UBE3C: variants seen among roughly 807,000 people sequenced by gnomAD.
UBE3C encodes ubiquitin-protein ligase E3C.
UBE3C carries 42 observed loss-of-function variants against 129.4 expected under a neutral mutation model. The ratio of observed to expected loss-of-function variants is 0.32; its 90% CI spans 0.25 to 0.42. The LOEUF is 0.42. Among genes scored for constraint, UBE3C ranks in the 10% least tolerant of loss-of-function variants. UBE3C has a pLI of 1.00. For synonymous variants in UBE3C, 510 were observed against 492.4 expected (o/e 1.04, Z -0.47); for missense variants, 1,049 against 1,319.1 (o/e 0.80, Z 3.17).
chr7:157,140,682 C>T (rs1323518419), intron 1 of UBE3C, among the ~76,000 whole-genome samples: 1 of 152,128 alleles, frequency 6.6e-6, no homozygotes, highest in Non-Finnish European at 1.5e-5. Context: ...AGACTCCATG[C>T]CATTTACACA....
rs1238676973 is a variant in UBE3C at position 157,238,540 on chromosome 7, A to C, written c.2481+7213A>C. Among the ~76,000 whole-genome samples, 16 of 152,076 alleles carry C rather than the reference A, an allele frequency of 1.1e-4. 1 individual carries two copies. The highest frequency in any genetic ancestry group is 1.0e-3 in the Admixed American group (16 of 15,260). The stretch of plus-strand genomic sequence containing the variant: ...GAACCACCTGGGTTCTGTTATGAGA[A>C]CTAGAAGGATGGAGGTCATGCTGAC... On this transcript the variant is annotated intron_variant, in intron 18 of 22. Transcript: ENST00000348165.
intron 18 of UBE3C, among the ~76,000 whole-genome samples, chr7:157,242,515 T>TTG (rs376006095): frequency 0.022 from 1,922 of 87,012 alleles, 29 homozygotes; most frequent in Admixed American, 0.069. Flanking sequence ...GCCTGAGTTG[T>TTG]TTTTTTTTTT....
chr7:157,212,965 C>T (rs946290960), intron 13 of UBE3C, among the ~76,000 whole-genome samples: 1 of 151,996 alleles, frequency 6.6e-6, no homozygotes, highest in Non-Finnish European at 1.5e-5. Flanking sequence ...ACCATGTTAC[C>T]CAGGCTGGTC....
chr7:157,204,409 A>AG (rs941678500), intron 11 of UBE3C, among the ~76,000 whole-genome samples: 1 of 151,746 alleles, frequency 6.6e-6, no homozygotes, highest in African/African-American at 2.4e-5. Context: ...AAAAAAAAAA[A>AG]AAAAAAAAAT....
chr7:157,168,344 A>G (rs932624359), intron 2 of UBE3C, among the ~76,000 whole-genome samples: 88 of 152,206 alleles, frequency 5.8e-4, no homozygotes, highest in African/African-American at 2.0e-3. Context: ...CAAAAAAAAA[A>G]AAAAAAAGGT....
chr7:157,182,159 A>G lies in UBE3C; in HGVS notation c.822A>G (p.Thr274=). Residue 274 remains threonine, a synonymous_variant, in exon 8 of 23, where the codon ACA becomes ACG. Transcript: ENST00000348165. ...AGGAGTTTCTGGCAGCACCTTTTAC[A>G]GATCAGATTTTTCATTTCATCATTC... The part of the protein sequence containing the change: ...FTEEFLAAPF[T]DQIFHFIIPA... 1 of 1,610,942 alleles carries G rather than the reference A, an allele frequency of 6.2e-7. No homozygotes were observed. Among genetic ancestry groups the G allele is most frequent in the Non-Finnish European group, 8.5e-7 (1 of 1,179,202 alleles).
intron 2 of UBE3C, 138 bp from the exon 3 acceptor site, chr7:157,168,910 G>C: frequency 3.2e-6 from 2 of 621,322 alleles, no homozygotes; most frequent in Non-Finnish European, 5.7e-6. Flanking sequence ...CATATTTAGT[G>C]GGTGTTACCT....
At chr7:157,223,100 A>G in intron 15 of UBE3C, 154 bp from the exon 16 acceptor site, 1 of 710,006 alleles carries the variant, frequency 1.4e-6, no homozygotes, top group South Asian at 1.7e-5. Context: ...TGCATGGCTC[A>G]TGGGTCTGCC....
At chr7:157,194,536 C>T (rs1265402788) in intron 10 of UBE3C, among the ~76,000 whole-genome samples, 7 of 152,006 alleles carry the variant, frequency 4.6e-5, no homozygotes, top group African/African-American at 7.2e-5. Flanking sequence ...GGCAGTAGGT[C>T]GAGGCTGGAA....
intron 9 of UBE3C, 45 bp from the exon 10 acceptor site, chr7:157,186,789 C>T (rs1808818209): frequency 2.5e-6 from 4 of 1,601,672 alleles, no homozygotes; most frequent in Non-Finnish European, 3.4e-6. Flanking sequence ...GAGGACGTTC[C>T]AGTTGAGCAC....
chr7:157,189,825 G>A (rs1335335798), intron 10 of UBE3C, among the ~76,000 whole-genome samples: 3 of 151,820 alleles, frequency 2.0e-5, no homozygotes. Context: ...TTGTGACGGA[G>A]TCTCTTGCCT....
chr7:157,164,559 ATTG>A lies in UBE3C; in HGVS notation c.120+699_120+701del, dbSNP rs1808162612. The A allele has an allele frequency of 4.2e-5, 18 of 425,696 alleles. 1 individual carries two copies. The highest frequency in any genetic ancestry group is 2.8e-4 in the South Asian group (17 of 59,906). The allele number at this position is 425,696 out of a possible 1,614,324, so 26.4% of individuals were successfully genotyped here. On this transcript the variant is annotated intron_variant, in intron 2 of 22. Coordinates refer to ENST00000348165, the MANE Select transcript of UBE3C (RefSeq NM_014671.3). ...AAAGAAAGACACTAATGACATTTTT[ATTG>A]TTTATCCTACGTTATATCTTGTGAT...
intron 13 of UBE3C, among the ~76,000 whole-genome samples, chr7:157,209,180 T>C (rs1438846403): frequency 2.6e-5 from 4 of 152,200 alleles, no homozygotes; most frequent in African/African-American, 7.2e-5. Context: ...GATGGGCTAA[T>C]TAAGGAATGC....
chr7:157,268,079 C>A lies in UBE3C; in HGVS notation c.*324C>A. On this transcript the variant is annotated 3_prime_UTR_variant, in exon 23 of 23. Coordinates refer to ENST00000348165, the MANE Select transcript of UBE3C (RefSeq NM_014671.3). ...AACCAAAGATGAAGCTTTGGCTTTG[C>A]TGGTGAGATCAGAGCCCTCCTGAGC... is the stretch of plus-strand genomic sequence containing the variant. 4.8e-6 allele frequency: 1 copy of A among 208,110 alleles called. No individual in the cohort carries two copies. The highest frequency in any genetic ancestry group is 1.6e-4 in the East Asian group (1 of 6,448). 12.9% of individuals were successfully genotyped at this position (208,110 alleles called of 1,614,324 possible).
intron 1 of UBE3C, among the ~76,000 whole-genome samples, chr7:157,140,442 A>G (rs1346787232): frequency 6.6e-6 from 1 of 152,136 alleles, no homozygotes; most frequent in African/African-American, 2.4e-5. Context: ...GATTGCTTGG[A>G]AGTCACTTGT....
At chr7:157,257,854 T>A (rs1796794371) in intron 22 of UBE3C, among the ~76,000 whole-genome samples, 1 of 151,394 alleles carries the variant, frequency 6.6e-6, no homozygotes, top group Non-Finnish European at 1.5e-5. Flanking sequence ...CAGTGGTATA[T>A]ATATTATAGA....
At chr7:157,198,330 C>T in intron 10 of UBE3C, 1 of 798,422 alleles carries the variant, frequency 1.3e-6, no homozygotes, top group East Asian at 2.4e-5. Context: ...TTGCGCTTCA[C>T]TTCATCTTCA....
intron 1 of UBE3C, among the ~76,000 whole-genome samples, chr7:157,163,517 C>T (rs763545991): frequency 2.0e-5 from 3 of 152,128 alleles, no homozygotes; most frequent in Non-Finnish European, 2.9e-5. Context: ...TGGTACGGAG[C>T]ACCAGTCTTA....
intron 9 of UBE3C, among the ~76,000 whole-genome samples, chr7:157,184,234 A>G (rs1808749257): frequency 6.6e-6 from 1 of 152,186 alleles, no homozygotes; most frequent in Non-Finnish European, 1.5e-5. Context: ...TGGAAGTGTA[A>G]ATGGAGACAC....
Sources: allele counts gnomAD v4.1 joint callset (sites outside exome capture counted in the v4.1 genomes callset), GRCh38; gene constraint gnomAD v4.1.1; transcripts MANE v1.5; gene names NCBI Gene and HGNC (gene_info 2026-07-23, HGNC 2026-07-21).